Variants in PTDSS1 observed in about 807,000 individuals in gnomAD.
PTDSS1 encodes PSS-1.
PTDSS1 carries 45 observed loss-of-function variants against 70.5 expected under a neutral mutation model. The observed-to-expected ratio is 0.64, with a 90% CI of 0.50 to 0.82. PTDSS1 has a LOEUF of 0.82. Among genes scored for constraint, PTDSS1 ranks in the 40% least tolerant of loss-of-function variants. The pLI is 0.00. For synonymous variants in PTDSS1, 188 were observed against 203.8 expected, an observed-to-expected ratio of 0.92 and a Z score of 0.66; for missense variants, 417 against 586.1, an observed-to-expected ratio of 0.71 and a Z score of 2.98.
intron 8 of PTDSS1, 160 bp from the exon 9 acceptor site, chr8:96,309,397 T>C (rs1351088918): frequency 1.8e-6 from 1 of 547,876 alleles, no homozygotes; most frequent in South Asian, 2.9e-5. Context: ...CAGGAATGTT[T>C]TAACAGGCAC....
chr8:96,301,892 G>A (rs996479387), intron 6 of PTDSS1, among the ~76,000 whole-genome samples: 2 of 152,120 alleles, frequency 1.3e-5, no homozygotes, highest in Non-Finnish European at 2.9e-5. Context: ...TATGATGTGA[G>A]GAGGAGATTT....
intron 2 of PTDSS1, among the ~76,000 whole-genome samples, chr8:96,279,818 C>CAAAT (rs10615614): frequency 0.014 from 2,084 of 148,596 alleles, 20 homozygotes; most frequent in African/African-American, 0.026. Context: ...TACTCCATCT[C>CAAAT]AAATAAATAA....
intron 9 of PTDSS1, among the ~76,000 whole-genome samples, chr8:96,313,294 G>A (rs114597474): frequency 0.015 from 2,231 of 152,298 alleles, 52 homozygotes; most frequent in African/African-American, 0.05. Flanking sequence ...GAGAGAGGGC[G>A]CCATCCAGCA....
At chr8:96,289,277 GAAGGTGGGACTGA>G (rs1005666932) in intron 4 of PTDSS1, among the ~76,000 whole-genome samples, 2 of 152,184 alleles carry the variant, frequency 1.3e-5, no homozygotes, top group African/African-American at 4.8e-5. Context: ...CCGGAGGATG[GAAGGTGGGACTGA>G]AAGTTCTAGG....
intron 9 of PTDSS1, among the ~76,000 whole-genome samples, chr8:96,318,719 C>G (rs1811330310): frequency 6.6e-6 from 1 of 152,058 alleles, no homozygotes; most frequent in Non-Finnish European, 1.5e-5. Context: ...AAAGACAGCC[C>G]CAGACTCTCT....
intron 2 of PTDSS1, among the ~76,000 whole-genome samples, chr8:96,278,804 G>A (rs1010199046): frequency 6.6e-6 from 1 of 151,706 alleles, no homozygotes; most frequent in Non-Finnish European, 1.5e-5. Context: ...ACCTTACCAC[G>A]CCCCCAAAAC....
At chr8:96,318,740 T>A (rs551034006) in intron 9 of PTDSS1, among the ~76,000 whole-genome samples, 6 of 152,028 alleles carry the variant, frequency 3.9e-5, no homozygotes, top group Non-Finnish European at 8.8e-5. Flanking sequence ...AAAGACAAAT[T>A]GAGGAGAATT....
At chr8:96,276,710 C>T (rs899733800) in intron 2 of PTDSS1, among the ~76,000 whole-genome samples, 15 of 152,150 alleles carry the variant, frequency 9.9e-5, no homozygotes, top group African/African-American at 3.4e-4. Context: ...TGTTTTCTGT[C>T]TCCTGCTGTT....
chr8:96,270,983 A>G lies in PTDSS1; in HGVS notation c.180-2316A>G, dbSNP rs568424557. Among the ~76,000 whole-genome samples the G allele has an allele frequency of 3.3e-5, 5 of 152,364 alleles. No individual in the cohort carries two copies. In the South Asian group the frequency reaches 1.0e-3, roughly 32 times the overall value. The stretch of plus-strand genomic sequence containing the variant: ...TTTTGATTGGTAGATAATTTTAAAT[A>G]GAGACTAATTTACTGATTTGCCATG... On this transcript the variant is annotated intron_variant, in intron 1 of 12. Coordinates refer to ENST00000517309, the MANE Select transcript of PTDSS1 (RefSeq NM_014754.3).
At chr8:96,299,330 G>T (rs1167068036) in intron 5 of PTDSS1, among the ~76,000 whole-genome samples, 6 of 152,130 alleles carry the variant, frequency 3.9e-5, no homozygotes, top group Admixed American at 1.3e-4. Context: ...TTATGACAAT[G>T]CTTTGTTGTC....
chr8:96,328,258 C>A (rs1261093456), intron 10 of PTDSS1, among the ~76,000 whole-genome samples: 2 of 152,138 alleles, frequency 1.3e-5, no homozygotes, highest in African/African-American at 4.8e-5. Flanking sequence ...CCTAACCCCC[C>A]CAGTCCGCTG....
At chr8:96,317,878 A>AGT (rs10529330) in intron 9 of PTDSS1, among the ~76,000 whole-genome samples, 2,177 of 139,914 alleles carry the variant, frequency 0.016, 44 homozygotes, top group Admixed American at 0.07. Context: ...CTTTTGTTTC[A>AGT]GTGTGTGTGT....
In PTDSS1 at chr8:96,304,191, C is replaced by A. The variant is rs1811092716; in HGVS notation, c.894+10C>A. On this transcript the variant is annotated intron_variant, in intron 7 of 12. Transcript: ENST00000517309. ...CATGATCATCTGGCAGGTATTTTTT[C>A]AGATGCCCAGAAGTTGGGAGGAAAA... is the stretch of plus-strand genomic sequence containing the variant. The A allele has an allele frequency of 6.3e-7, 1 of 1,593,150 alleles. No individual in the cohort carries two copies. The highest frequency in any genetic ancestry group is 1.9e-5 in the Admixed American group (1 of 53,368).
chr8:96,278,778 T>C (rs1220200717), intron 2 of PTDSS1, among the ~76,000 whole-genome samples: 1 of 152,118 alleles, frequency 6.6e-6, no homozygotes, highest in East Asian at 1.9e-4. Flanking sequence ...CTTTAACTGT[T>C]GTTCATCCCC....
intron 9 of PTDSS1, among the ~76,000 whole-genome samples, chr8:96,318,259 G>C (rs956602972): frequency 3.3e-5 from 5 of 152,022 alleles, no homozygotes; most frequent in African/African-American, 9.7e-5. Flanking sequence ...GGGAGGCGGA[G>C]GTTGCAGTGA....
At chr8:96,276,413 T>C (rs1314130622) in intron 2 of PTDSS1, among the ~76,000 whole-genome samples, 1 of 152,234 alleles carries the variant, frequency 6.6e-6, no homozygotes, top group Non-Finnish European at 1.5e-5. Flanking sequence ...TGTGGGACTG[T>C]GCTTTTGTTT....
chr8:96,318,249 G>A (rs898039772), intron 9 of PTDSS1, among the ~76,000 whole-genome samples: 4 of 151,872 alleles, frequency 2.6e-5, no homozygotes, highest in African/African-American at 7.3e-5. Flanking sequence ...TGCTTGAACC[G>A]GGAGGCGGAG....
chr8:96,271,858 C>T (rs751907369), intron 1 of PTDSS1, among the ~76,000 whole-genome samples: 8 of 151,894 alleles, frequency 5.3e-5, no homozygotes, highest in Non-Finnish European at 7.4e-5. Flanking sequence ...ATCCTTTGCC[C>T]GTTTTTCAAT....
chr8:96,302,275 G>A (rs1811061060), intron 6 of PTDSS1, among the ~76,000 whole-genome samples: 1 of 152,002 alleles, frequency 6.6e-6, no homozygotes, highest in South Asian at 2.1e-4. Context: ...CAGGTGATCT[G>A]CCTTACTCGG....
Sources: gnomAD v4.1 joint callset for allele counts (sites outside exome capture counted in the v4.1 genomes callset) on GRCh38, gnomAD v4.1.1 for gene constraint, MANE v1.5 for transcripts, NCBI Gene and HGNC (gene_info 2026-07-23, HGNC 2026-07-21) for gene names.